SPAG16: variants seen among roughly 807,000 people sequenced by gnomAD.
SPAG16 encodes the protein sperm associated antigen 16, also known as sperm-associated antigen 16 protein.
A neutral mutation model predicts 80.4 loss-of-function variants in SPAG16; 86 were observed. The ratio of observed to expected loss-of-function variants is 1.07; its 90% CI spans 0.90 to 1.28. The LOEUF (loss-of-function observed/expected upper bound fraction) is 1.28, where lower values mean the gene tolerates loss of function less well. SPAG16 is among the 50% of genes most tolerant of loss of function. SPAG16 has a pLI of 0.00. For missense variants in SPAG16, 870 were observed against 765.3 expected (o/e 1.14, Z -1.61); for synonymous variants, 294 against 265.9 (o/e 1.11, Z -1.03).
intron 14 of SPAG16, among the ~76,000 whole-genome samples, chr2:214,113,207 C>T (rs2053763645): frequency 1.3e-5 from 2 of 152,268 alleles, no homozygotes; most frequent in South Asian, 4.1e-4. Context: ...TGATGGGCTT[C>T]CCTTTGTGGG....
At chr2:213,748,242 A>T (rs954379099) in intron 10 of SPAG16, among the ~76,000 whole-genome samples, 2 of 152,312 alleles carry the variant, frequency 1.3e-5, no homozygotes, top group Admixed American at 1.3e-4. Flanking sequence ...ATACTTTTAA[A>T]AGGAACATAT....
chr2:213,578,025 C>T (rs1183599941), intron 10 of SPAG16, among the ~76,000 whole-genome samples: 1 of 151,910 alleles, frequency 6.6e-6, no homozygotes, highest in Non-Finnish European at 1.5e-5. Flanking sequence ...TAACATAACT[C>T]TGTATAATCA....
intron 15 of SPAG16, among the ~76,000 whole-genome samples, chr2:214,209,921 G>T (rs2058246110): frequency 6.6e-6 from 1 of 152,076 alleles, no homozygotes; most frequent in Non-Finnish European, 1.5e-5. Context: ...TACAGTGTTT[G>T]TCATATGACC....
At chr2:213,469,078 C>G (rs1255522727) in intron 9 of SPAG16, among the ~76,000 whole-genome samples, 2 of 152,160 alleles carry the variant, frequency 1.3e-5, no homozygotes, top group Non-Finnish European at 2.9e-5. Flanking sequence ...GCAACACCCT[C>G]ACAGACACAC....
At chr2:213,564,529 T>G (rs1469971613) in intron 10 of SPAG16, among the ~76,000 whole-genome samples, 1 of 152,034 alleles carries the variant, frequency 6.6e-6, no homozygotes, top group Non-Finnish European at 1.5e-5. Context: ...GTCATTAACT[T>G]TTTAAGTCAT....
chr2:213,495,108 A>G (rs1320972370), intron 10 of SPAG16, among the ~76,000 whole-genome samples: 1 of 152,116 alleles, frequency 6.6e-6, no homozygotes, highest in Non-Finnish European at 1.5e-5. Flanking sequence ...TTCCTAGTTT[A>G]TGTGTGGCAG....
At chr2:213,581,016 C>CT (rs1306666642) in intron 10 of SPAG16, among the ~76,000 whole-genome samples, 7 of 152,028 alleles carry the variant, frequency 4.6e-5, no homozygotes, top group Middle Eastern at 3.4e-3. Context: ...TTCAAGTTTA[C>CT]TTTTTTGAAG....
intron 10 of SPAG16, among the ~76,000 whole-genome samples, chr2:213,592,606 C>T (rs779689176): frequency 6.0e-4 from 92 of 152,226 alleles, no homozygotes; most frequent in Non-Finnish European, 1.2e-3. Flanking sequence ...ACTCCTTAGT[C>T]CCTTTTAGCA....
intron 15 of SPAG16, among the ~76,000 whole-genome samples, chr2:214,168,226 A>G (rs977215883): frequency 2.0e-5 from 3 of 152,050 alleles, no homozygotes; most frequent in Admixed American, 2.0e-4. Context: ...TCCTGACCTC[A>G]AGTGATCTGC....
intron 15 of SPAG16, among the ~76,000 whole-genome samples, chr2:214,368,357 TG>T (rs1158275382): frequency 1.3e-5 from 2 of 152,100 alleles, no homozygotes; most frequent in African/African-American, 4.8e-5. Flanking sequence ...TCCTAGTCTG[TG>T]GTCAAGAAAA....
chr2:213,313,713 C>T (rs1245360064), intron 4 of SPAG16, among the ~76,000 whole-genome samples: 1 of 151,812 alleles, frequency 6.6e-6, no homozygotes, highest in Non-Finnish European at 1.5e-5. Flanking sequence ...CAAATTTGTG[C>T]CTATTTTCTA....
At chr2:213,710,781 G>T (rs1332235116) in intron 10 of SPAG16, among the ~76,000 whole-genome samples, 1 of 152,108 alleles carries the variant, frequency 6.6e-6, no homozygotes, top group East Asian at 1.9e-4. Flanking sequence ...GGCCTATACT[G>T]GTATCGAAGT....
At chr2:213,559,948 C>A (rs1344497992) in intron 10 of SPAG16, among the ~76,000 whole-genome samples, 1 of 151,884 alleles carries the variant, frequency 6.6e-6, no homozygotes, top group Non-Finnish European at 1.5e-5. Context: ...TGCTATTAGG[C>A]CATTAATTTT....
chr2:213,685,895 T>C (rs2064641633), intron 10 of SPAG16, among the ~76,000 whole-genome samples: 2 of 152,184 alleles, frequency 1.3e-5, no homozygotes. Flanking sequence ...TTTGCTTTTG[T>C]CATCAATTTT....
At chr2:213,302,546 T>G (rs2062779412) in intron 3 of SPAG16, 1 of 152,028 alleles carries the variant, frequency 6.6e-6, no homozygotes, top group Admixed American at 6.6e-5. Context: ...TGGGAGATGT[T>G]CACCAATTAT....
At chr2:213,368,170 A>C (rs1210803375) in intron 8 of SPAG16, among the ~76,000 whole-genome samples, 2 of 152,160 alleles carry the variant, frequency 1.3e-5, no homozygotes, top group Non-Finnish European at 2.9e-5. Flanking sequence ...TACCAGTACC[A>C]TGCTGTTTTG....
intron 10 of SPAG16, among the ~76,000 whole-genome samples, chr2:213,692,861 G>C (rs2065005108): frequency 6.6e-6 from 1 of 151,288 alleles, no homozygotes; most frequent in Admixed American, 6.6e-5. Flanking sequence ...CTATATGTCA[G>C]TTCTTAGTTG....
intron 9 of SPAG16, among the ~76,000 whole-genome samples, chr2:213,411,997 G>T (rs2068995289): frequency 6.6e-6 from 1 of 152,164 alleles, no homozygotes; most frequent in Non-Finnish European, 1.5e-5. Context: ...TAATATGTCA[G>T]TATGTTCAAT....
At chr2:214,034,797 C>G (rs963509683) in intron 13 of SPAG16, among the ~76,000 whole-genome samples, 1 of 152,182 alleles carries the variant, frequency 6.6e-6, no homozygotes. Flanking sequence ...GCTCCTAGGT[C>G]TGGGCTCCCC....
Sources: allele counts gnomAD v4.1 joint callset (sites outside exome capture counted in the v4.1 genomes callset), GRCh38; gene constraint gnomAD v4.1.1; transcripts MANE v1.5; gene names NCBI Gene and HGNC (gene_info 2026-07-23, HGNC 2026-07-21).